The following ATP8A1 variants were observed in gnomAD, a reference collection of about 807,000 sequenced individuals.
ATP8A1 encodes ATPase phospholipid transporting 8A1.
A neutral mutation model predicts 177.7 loss-of-function variants in ATP8A1; 90 were observed. The observed-to-expected ratio is 0.51, with a 90% confidence interval of 0.43 to 0.60. ATP8A1 has a LOEUF of 0.60. Ranked by LOEUF, ATP8A1 falls within the 20% of genes least tolerant of loss-of-function variation. The probability of loss-of-function intolerance (pLI) is 0.00; values close to 1 mark genes in which losing one functional copy is unlikely to be tolerated. For missense variants in ATP8A1, 1,072 were observed against 1,392.8 expected (o/e 0.77, Z 3.67); for synonymous variants, 493 against 485.9 (o/e 1.01, Z -0.19).
rs1712583589 is a variant in ATP8A1 at position 42,411,376 on chromosome 4, G to T, written c.*1540C>A. ...AAAAAATCACCTCTTCTCAATTCTA[G>T]TTGACTTTTTTTAAAAGAGAAAGTT... On this transcript the variant is annotated 3_prime_UTR_variant, in exon 37 of 37. Coordinates refer to ENST00000381668, the MANE Select transcript of ATP8A1 (RefSeq NM_006095.2). The T allele has an allele frequency of 6.6e-6, 1 of 152,116 alleles. No individual in the cohort carries two copies. The highest frequency in any genetic ancestry group is 6.6e-5 in the Admixed American group (1 of 15,258). 9.4% of individuals were successfully genotyped at this position (152,116 alleles called of 1,614,324 possible).
At chr4:42,586,210 G>T in intron 9 of ATP8A1, 139 bp downstream of exon 9, 1 of 887,324 alleles carries the variant, frequency 1.1e-6, no homozygotes, top group Non-Finnish European at 1.7e-6. Context: ...ACTCAGGGCA[G>T]AATAAAAATG....
intron 1 of ATP8A1, among the ~76,000 whole-genome samples, chr4:42,649,094 C>T (rs1404701362): frequency 6.6e-6 from 1 of 152,072 alleles, no homozygotes; most frequent in Non-Finnish European, 1.5e-5. Context: ...CAAAAAGATA[C>T]AAAGATGCTT....
intron 5 of ATP8A1, among the ~76,000 whole-genome samples, chr4:42,614,597 T>C (rs1736714870): frequency 6.6e-6 from 1 of 152,194 alleles, no homozygotes; most frequent in Non-Finnish European, 1.5e-5. Context: ...ATGTTCGGCC[T>C]GTCTCGTTTT....
intron 11 of ATP8A1, among the ~76,000 whole-genome samples, chr4:42,579,150 A>C (rs903172119): frequency 3.3e-5 from 5 of 152,012 alleles, no homozygotes; most frequent in Admixed American, 3.3e-4. Flanking sequence ...AGAAATATCC[A>C]GGGGTGGTAC....
At chr4:42,599,814 G>C (rs1046132813) in intron 6 of ATP8A1, among the ~76,000 whole-genome samples, 5 of 152,148 alleles carry the variant, frequency 3.3e-5, no homozygotes, top group Admixed American at 2.0e-4. Context: ...CTTTTACCAA[G>C]TTACCAAAGC....
chr4:42,511,448 C>A (rs913581541), intron 22 of ATP8A1, among the ~76,000 whole-genome samples: 3 of 152,078 alleles, frequency 2.0e-5, no homozygotes, highest in African/African-American at 7.2e-5. Context: ...AAACTCCAAA[C>A]ACTAATTTTA....
chr4:42,614,945 T>A (rs781251874), intron 5 of ATP8A1, among the ~76,000 whole-genome samples: 4 of 152,200 alleles, frequency 2.6e-5, no homozygotes, highest in Non-Finnish European at 4.4e-5. Flanking sequence ...TACCAATTTT[T>A]ATAGCACTTG....
At chr4:42,440,111 CTG>C (rs1010272147) in intron 33 of ATP8A1, among the ~76,000 whole-genome samples, 3 of 152,200 alleles carry the variant, frequency 2.0e-5, no homozygotes, top group Admixed American at 2.0e-4. Context: ...GACTTCTCCT[CTG>C]TCTCCTCACA....
At position 42,627,105 on chromosome 4, in the gene ATP8A1, A is replaced by G; in HGVS notation, c.54T>C (p.Tyr18=). The change falls in exon 2 of 37, where the codon TAT becomes TAC. Residue 18 remains tyrosine, a synonymous_variant. Coordinates refer to ENST00000381668, the MANE Select transcript of ATP8A1 (RefSeq NM_006095.2). The part of the protein sequence containing the change: ...VSEIRSRAEG[Y]EKTDDVSEKT... ...TCTCTGAAACATCATCTGTCTTCTC[A>G]TAACCTTAAAAAGAGATCTTCTTAT... 6.2e-7 allele frequency: 1 copy of G among 1,610,922 alleles called. No individual in the cohort carries two copies. Among genetic ancestry groups the G allele is most frequent in the Non-Finnish European group, 8.5e-7 (1 of 1,177,254 alleles).
At chr4:42,450,387 G>A (rs559095967) in intron 30 of ATP8A1, among the ~76,000 whole-genome samples, 2 of 152,234 alleles carry the variant, frequency 1.3e-5, no homozygotes, top group East Asian at 3.9e-4. Context: ...TGAATGTCGG[G>A]CATCAGATAG....
chr4:42,531,299 A>G (rs1578115708), intron 20 of ATP8A1, among the ~76,000 whole-genome samples: 1 of 152,254 alleles, frequency 6.6e-6, no homozygotes, highest in Non-Finnish European at 1.5e-5. Flanking sequence ...TCCACCAGGA[A>G]AAAAACCACA....
At chr4:42,541,502 T>C (rs1341190589) in intron 20 of ATP8A1, among the ~76,000 whole-genome samples, 1 of 152,232 alleles carries the variant, frequency 6.6e-6, no homozygotes, top group Non-Finnish European at 1.5e-5. Flanking sequence ...CTGTAAGATC[T>C]TGCAATTATT....
At chr4:42,544,450 A>G (rs1303976103) in intron 19 of ATP8A1, among the ~76,000 whole-genome samples, 2 of 152,244 alleles carry the variant, frequency 1.3e-5, no homozygotes, top group Non-Finnish European at 2.9e-5. Flanking sequence ...ACTTTAAAAA[A>G]CAACTTAAGC....
intron 1 of ATP8A1, among the ~76,000 whole-genome samples, chr4:42,634,210 A>G (rs1739043221): frequency 6.6e-6 from 1 of 152,212 alleles, no homozygotes; most frequent in Non-Finnish European, 1.5e-5. Context: ...GGCATGAGCC[A>G]TATAACCTCT....
At chr4:42,501,979 C>T (rs1254774314) in intron 24 of ATP8A1, among the ~76,000 whole-genome samples, 1 of 152,110 alleles carries the variant, frequency 6.6e-6, no homozygotes, top group Non-Finnish European at 1.5e-5. Context: ...GCTAAGGAGA[C>T]TTTTAGCCAC....
chr4:42,547,066 T>C (rs1043816627), intron 19 of ATP8A1, among the ~76,000 whole-genome samples: 29 of 152,204 alleles, frequency 1.9e-4, no homozygotes, highest in Non-Finnish European at 3.2e-4. Context: ...GCCATAGATT[T>C]CTCTTTTGTT....
chr4:42,576,752 AAG>A (rs1465340833), intron 12 of ATP8A1, among the ~76,000 whole-genome samples: 2 of 152,160 alleles, frequency 1.3e-5, no homozygotes, highest in Admixed American at 6.5e-5. Context: ...GCCATGTGTT[AAG>A]AGAGAGATTA....
At chr4:42,647,441 G>A (rs928469091) in intron 1 of ATP8A1, among the ~76,000 whole-genome samples, 10 of 152,004 alleles carry the variant, frequency 6.6e-5, no homozygotes, top group Admixed American at 1.3e-4. Flanking sequence ...TTTAGAAAAC[G>A]TAGCACAAAA....
At chr4:42,577,098 T>C (rs923290955) in intron 12 of ATP8A1, among the ~76,000 whole-genome samples, 19 of 152,192 alleles carry the variant, frequency 1.2e-4, no homozygotes, top group African/African-American at 4.6e-4. Flanking sequence ...ATTAGAAAGG[T>C]GGTTGAAAGC....
Sources: gnomAD v4.1 joint callset for allele counts (sites outside exome capture counted in the v4.1 genomes callset) on GRCh38, gnomAD v4.1.1 for gene constraint, MANE v1.5 for transcripts, NCBI Gene and HGNC (gene_info 2026-07-23, HGNC 2026-07-21) for gene names.